The following PARD3B variants were observed in gnomAD, a reference collection of about 807,000 sequenced individuals.
PARD3B encodes the protein partitioning defective 3 homolog B.
PARD3B carries 103 observed loss-of-function variants against 130.2 expected under a neutral mutation model. The observed-to-expected ratio is 0.79, with a 90% confidence interval of 0.67 to 0.93. The LOEUF is 0.93. Among genes scored for constraint, PARD3B ranks in the 40% least tolerant of loss-of-function variants. The probability of loss-of-function intolerance (pLI) is 0.00; values close to 1 mark genes in which losing one functional copy is unlikely to be tolerated. For synonymous variants in PARD3B, 583 were observed against 553.2 expected, an observed-to-expected ratio of 1.05 and a Z score of -0.76; for missense variants, 1,609 against 1,499.2, an observed-to-expected ratio of 1.07 and a Z score of -1.21.
chr2:204,972,648 T>C (rs1453491820), intron 3 of PARD3B, among the ~76,000 whole-genome samples: 1 of 152,162 alleles, frequency 6.6e-6, no homozygotes, highest in African/African-American at 2.4e-5. Flanking sequence ...TATAAGACAG[T>C]ACATAAAACC....
rs2037074557 is a variant in PARD3B at position 204,686,198 on chromosome 2, G to A, written c.138G>A (p.Val46=). The change falls in exon 2 of 23, where the codon GTG becomes GTA. Residue 46 remains valine (V), a synonymous_variant. Transcript: ENST00000406610. ...TACTATAGGGTCCTGGTTACTGGGT[G>A]AAGATTCATCACTTAGAATATACAG... is the stretch of plus-strand genomic sequence containing the variant. ...KTREKGPGYW[V]KIHHLEYTDG... 1.9e-6 allele frequency: 3 copies of A among 1,610,758 alleles called. No individual in the cohort carries two copies. The highest frequency in any genetic ancestry group is 2.5e-6 in the Non-Finnish European group (3 of 1,177,254).
At chr2:204,566,569 AT>A (rs1409046004) in intron 1 of PARD3B, among the ~76,000 whole-genome samples, 5 of 152,314 alleles carry the variant, frequency 3.3e-5, no homozygotes, top group African/African-American at 1.2e-4. Context: ...ATTAAAAAAA[AT>A]CAATTCCTTT....
chr2:204,888,639 G>A (rs1041873940), intron 2 of PARD3B, among the ~76,000 whole-genome samples: 7 of 151,324 alleles, frequency 4.6e-5, no homozygotes, highest in African/African-American at 1.7e-4. Flanking sequence ...GCTCAGGTGG[G>A]AGGATCATTT....
At position 204,841,861 on chromosome 2, in the gene PARD3B, GT is replaced by G. The variant is rs557060055; in HGVS notation, c.223-123282del. On this transcript the variant is annotated intron_variant, in intron 2 of 22. Transcript: ENST00000406610. Reference sequence around the variant, plus strand: ...TTTTTTGCAGAAGTTTTTTGGTGGGGTTTTTTTTTGGTGTCAACACAACTTT... The same window carrying G: ...TTTTTTGCAGAAGTTTTTTGGTGGGGTTTTTTTTGGTGTCAACACAACTTT... Among the ~76,000 whole-genome samples the G allele has an allele frequency of 7.9e-3, 1,184 of 150,546 alleles. 18 individuals carry two copies. The highest frequency in any genetic ancestry group is 0.025 in the African/African-American group (1,038 of 41,066).
At chr2:204,832,501 C>A (rs1237966315) in intron 2 of PARD3B, among the ~76,000 whole-genome samples, 1 of 152,142 alleles carries the variant, frequency 6.6e-6, no homozygotes, top group South Asian at 2.1e-4. Flanking sequence ...CACTGTGAGA[C>A]AGTGAACATG....
intron 4 of PARD3B, among the ~76,000 whole-genome samples, chr2:205,090,901 C>A (rs188892467): frequency 6.6e-6 from 1 of 152,124 alleles, no homozygotes; most frequent in Non-Finnish European, 1.5e-5. Flanking sequence ...TGTAAACAGT[C>A]GGCCAATTTC....
rs2041618157 is a variant in PARD3B at position 204,776,346 on chromosome 2, G to A, written c.222+90064G>A. ...CATTAATTAAGATTTTTAATATGGA[G>A]GTGATTTATTGAAAATAGATTCTGG... On this transcript the variant is annotated intron_variant, in intron 2 of 22. Coordinates refer to ENST00000406610, the MANE Select transcript of PARD3B (RefSeq NM_001302769.2). 2.6e-5 allele frequency among the ~76,000 whole-genome samples: 4 copies of A among 152,202 alleles called. No individual in the cohort carries two copies. In the South Asian group the frequency reaches 8.3e-4, roughly 32 times the overall value.
At chr2:204,965,967 G>GT (rs1691204494) in intron 3 of PARD3B, among the ~76,000 whole-genome samples, 1 of 152,138 alleles carries the variant, frequency 6.6e-6, no homozygotes, top group Non-Finnish European at 1.5e-5. Context: ...ACTGCATGAA[G>GT]TTTTTGAAAA....
rs190815256 is a variant in PARD3B, at chr2:204,721,779, T to C, written c.222+35497T>C. Among the ~76,000 whole-genome samples the C allele has an allele frequency of 3.6e-4, 55 of 152,284 alleles. 1 individual carries two copies. The East Asian group carries it at 8.5e-3, about 24-fold the overall frequency. On this transcript the variant is annotated intron_variant, in intron 2 of 22. Transcript: ENST00000406610. ...CTTTGTATTCCTAAGTTATTATATT[T>C]GAATTGATTTTACATTTTTGGGTGA...
At chr2:205,599,860 C>T (rs535811513) in intron 22 of PARD3B, among the ~76,000 whole-genome samples, 44 of 152,270 alleles carry the variant, frequency 2.9e-4, no homozygotes, top group South Asian at 2.5e-3. Flanking sequence ...CTCTATTTTA[C>T]CTACATGGTA....
intron 2 of PARD3B, among the ~76,000 whole-genome samples, chr2:204,741,481 C>CA (rs2040009153): frequency 6.6e-6 from 1 of 152,090 alleles, no homozygotes; most frequent in Admixed American, 6.6e-5. Context: ...CAGAACCCAT[C>CA]ATGATATGGT....
chr2:204,657,802 C>T (rs1317368017), intron 1 of PARD3B, among the ~76,000 whole-genome samples: 1 of 152,094 alleles, frequency 6.6e-6, no homozygotes, highest in Admixed American at 6.5e-5. Context: ...TTCTCCATTA[C>T]ATTATTTTAA....
chr2:205,082,210 C>T (rs1412794087), intron 4 of PARD3B, among the ~76,000 whole-genome samples: 2 of 152,036 alleles, frequency 1.3e-5, no homozygotes, highest in African/African-American at 4.8e-5. Flanking sequence ...GTGGTGTTCC[C>T]TTTTTCATTC....
At chr2:204,750,680 C>A (rs2040431691) in intron 2 of PARD3B, among the ~76,000 whole-genome samples, 1 of 152,060 alleles carries the variant, frequency 6.6e-6, no homozygotes, top group East Asian at 1.9e-4. Context: ...ATGGTGTCAT[C>A]TCATTTCCTA....
intron 15 of PARD3B, among the ~76,000 whole-genome samples, chr2:205,217,834 A>ATG (rs201268222): frequency 0.35 from 31,588 of 90,800 alleles, 7,161 homozygotes; most frequent in African/African-American, 0.57. Flanking sequence ...GTGTGTATAT[A>ATG]TGTGTGTATA....
chr2:205,451,366 G>A (rs1180557826), intron 20 of PARD3B, among the ~76,000 whole-genome samples: 5 of 152,210 alleles, frequency 3.3e-5, no homozygotes, highest in Admixed American at 3.3e-4. Flanking sequence ...GCAAAAAGGT[G>A]TTGAAAATAG....
At chr2:204,863,892 G>A (rs2045310796) in intron 2 of PARD3B, among the ~76,000 whole-genome samples, 1 of 152,172 alleles carries the variant, frequency 6.6e-6, no homozygotes, top group Non-Finnish European at 1.5e-5. Flanking sequence ...GCAAGGTACA[G>A]TTGAATTTTA....
intron 18 of PARD3B, among the ~76,000 whole-genome samples, chr2:205,377,018 T>G (rs947719744): frequency 1.3e-5 from 2 of 152,208 alleles, no homozygotes; most frequent in Non-Finnish European, 2.9e-5. Context: ...TAGCTAATGT[T>G]AACTGAGCAC....
At chr2:204,551,729 C>T (rs2030477777) in intron 1 of PARD3B, among the ~76,000 whole-genome samples, 1 of 152,178 alleles carries the variant, frequency 6.6e-6, no homozygotes, top group Non-Finnish European at 1.5e-5. Flanking sequence ...AATCAAGTGG[C>T]TTAGTTAACC....
Sources: allele counts gnomAD v4.1 joint callset (sites outside exome capture counted in the v4.1 genomes callset), GRCh38; gene constraint gnomAD v4.1.1; transcripts MANE v1.5; gene names NCBI Gene and HGNC (gene_info 2026-07-23, HGNC 2026-07-21).